The following ZFYVE1 variants were observed in gnomAD, a reference collection of about 807,000 sequenced individuals.
ZFYVE1 encodes the protein zinc finger FYVE domain-containing protein 1.
A neutral mutation model predicts 74.4 loss-of-function variants in ZFYVE1; 30 were observed. That is an observed-to-expected ratio of 0.40 (90% confidence interval 0.30 to 0.55). The LOEUF is 0.55. Among genes scored for constraint, ZFYVE1 ranks in the 20% least tolerant of loss-of-function variants. The pLI is 0.42. For synonymous variants in ZFYVE1, 335 were observed against 385.1 expected, an observed-to-expected ratio of 0.87 and a Z score of 1.52; for missense variants, 703 against 1,011.6, an observed-to-expected ratio of 0.69 and a Z score of 4.14.
intron 5 of ZFYVE1, among the ~76,000 whole-genome samples, chr14:72,980,923 T>C (rs902411738): frequency 1.3e-5 from 2 of 152,174 alleles, no homozygotes; most frequent in African/African-American, 4.8e-5. Context: ...AATTAGAAAC[T>C]GTGGAGGGGG....
chr14:73,001,448 T>G (rs965268076), intron 2 of ZFYVE1, among the ~76,000 whole-genome samples: 15 of 152,196 alleles, frequency 9.9e-5, no homozygotes, highest in African/African-American at 3.6e-4. Flanking sequence ...TTTCTCTTAT[T>G]CTAAAGACAT....
At chr14:73,013,213 C>T (rs1894124645) in intron 2 of ZFYVE1, among the ~76,000 whole-genome samples, 1 of 152,162 alleles carries the variant, frequency 6.6e-6, no homozygotes, top group Non-Finnish European at 1.5e-5. Context: ...TTATGTATGG[C>T]TGGAAAACTT....
rs1366173596 is a variant in ZFYVE1, at chr14:72,978,322, G to T, written c.1420-88C>A. The stretch of plus-strand genomic sequence containing the variant: ...GGGGTTTTACCAGCCCAGGCTGGTT[G>T]TGAACTCCTGGGCTCAAGCAATCTG... On this transcript the variant is annotated intron_variant, in intron 6 of 11. Transcript: ENST00000556143. The T allele has an allele frequency of 2.3e-5, 30 of 1,288,790 alleles. No homozygotes were observed. In the South Asian group the frequency reaches 3.0e-4, roughly 13 times the overall value. The allele number at this position is 1,288,790 out of a possible 1,614,324, so 79.8% of individuals were successfully genotyped here.
intron 11 of ZFYVE1, among the ~76,000 whole-genome samples, chr14:72,972,843 G>T (rs538718545): frequency 6.6e-6 from 1 of 152,138 alleles, no homozygotes; most frequent in African/African-American, 2.4e-5. Flanking sequence ...TAGTAGCTGG[G>T]ACTACAGGTG....
chr14:73,002,311 G>C (rs1389374476), intron 2 of ZFYVE1, among the ~76,000 whole-genome samples: 1 of 152,194 alleles, frequency 6.6e-6, no homozygotes, highest in African/African-American at 2.4e-5. Context: ...TATTTGGAAA[G>C]ATGAAAATAT....
chr14:73,013,206 T>G (rs542625096), intron 2 of ZFYVE1, among the ~76,000 whole-genome samples: 1 of 152,170 alleles, frequency 6.6e-6, no homozygotes, highest in East Asian at 1.9e-4. Context: ...CAGCTACTTA[T>G]GTATGGCTGG....
chr14:72,998,186 G>A lies in ZFYVE1; in HGVS notation c.613C>T (p.Arg205Cys), dbSNP rs750456642. The A allele has an allele frequency of 1.2e-6, 2 of 1,613,958 alleles. 1 individual carries two copies. The highest frequency in any genetic ancestry group is 2.2e-5 in the South Asian group (2 of 91,044). The change falls in exon 3 of 12, where the codon CGT (arginine) becomes TGT (cysteine). Residue 205 changes from arginine to cysteine, a missense_variant. Physicochemically the swap from Arg to Cys is radical, Grantham distance 180 (BLOSUM62 -3). Around this residue, in one of 2 missense-constraint regions of ZFYVE1, gnomAD observed 492 missense variants for 790.0 expected, o/e 0.62. Transcript: ENST00000556143. ...HTLNHTFFYGREVFKTSPTQE... is the reference protein window; with the variant it reads ...HTLNHTFFYGCEVFKTSPTQE... Reference sequence around the variant, plus strand: ...GTCGGGGAGGTTTTAAAGACTTCACGACCATAAAAGAAAGTGTGGTTGAGA... The same window carrying A: ...GTCGGGGAGGTTTTAAAGACTTCACAACCATAAAAGAAAGTGTGGTTGAGA...
chr14:72,994,322 C>CAA (rs71109776), intron 3 of ZFYVE1, among the ~76,000 whole-genome samples: 1,510 of 31,096 alleles, frequency 0.049, 259 homozygotes, highest in Middle Eastern at 0.062. Flanking sequence ...GACGCTGTCT[C>CAA]AAAAAAAAAA....
At position 72,978,896 on chromosome 14, in the gene ZFYVE1, A is replaced by C. The variant is rs781175199; in HGVS notation, c.1384T>G (p.Ser462Ala). 4 of 1,614,110 alleles carry C rather than the reference A, an allele frequency of 2.5e-6. No individual in the cohort carries two copies. In the South Asian group the frequency reaches 4.4e-5, roughly 18 times the overall value. Residue 462 changes from serine to alanine, a missense_variant, in exon 6 of 12, where the codon TCC (serine) becomes GCC (alanine). By Grantham distance (99) the Ser-to-Ala change is moderately conservative. Transcript: ENST00000556143. ...PHEAKSRCRY[S>A]HQYDNRVYTC... ...TACACTCGGTTGTCATACTGGTGGGAGTATCTGCAGCGGCTCTTGGCTTCA... is the reference window on the plus strand; with the variant it reads ...TACACTCGGTTGTCATACTGGTGGGCGTATCTGCAGCGGCTCTTGGCTTCA...
intron 4 of ZFYVE1, among the ~76,000 whole-genome samples, chr14:72,983,532 C>A (rs1037703318): frequency 1.3e-5 from 2 of 151,944 alleles, no homozygotes; most frequent in African/African-American, 4.8e-5. Context: ...GACATGAACT[C>A]ATCCTTTTTT....
At chr14:73,006,215 G>A (rs924272768) in intron 2 of ZFYVE1, among the ~76,000 whole-genome samples, 2 of 150,938 alleles carry the variant, frequency 1.3e-5, no homozygotes, top group Non-Finnish European at 3.0e-5. Context: ...CACCGCGCCC[G>A]GCCAAAACAC....
intron 3 of ZFYVE1, among the ~76,000 whole-genome samples, chr14:72,995,205 CT>C (rs1415461811): frequency 6.6e-6 from 1 of 152,202 alleles, no homozygotes; most frequent in African/African-American, 2.4e-5. Flanking sequence ...AGCGATTCTC[CT>C]GCCTCAGCCT....
chr14:73,013,555 C>T (rs1594861502), intron 2 of ZFYVE1, among the ~76,000 whole-genome samples: 2 of 151,642 alleles, frequency 1.3e-5, no homozygotes, highest in East Asian at 1.9e-4. Flanking sequence ...GCCGAGATTG[C>T]GCCACTGCAC....
chr14:72,984,627 A>G (rs1169262751), intron 4 of ZFYVE1, among the ~76,000 whole-genome samples: 1 of 152,190 alleles, frequency 6.6e-6, no homozygotes, highest in Non-Finnish European at 1.5e-5. Context: ...AAGTGGAATT[A>G]TAAGTCGGCC....
At chr14:72,980,535 T>G (rs374230661) in intron 5 of ZFYVE1, among the ~76,000 whole-genome samples, 6 of 105,468 alleles carry the variant, frequency 5.7e-5, no homozygotes, top group Non-Finnish European at 1.1e-4. Flanking sequence ...GAGAATTAAT[T>G]AATTTATTTA....
Position 73,023,359 on chromosome 14 carries a change from ATATATG to A in ZFYVE1, c.483+661_483+666del, listed in dbSNP as rs1567366960. Reference sequence around the variant, plus strand: ...ATATGTTTTATATATAATATATATTATATATGTTTTATATATAATATATATATTTTA... The same window carrying A: ...ATATGTTTTATATATAATATATATTATTTTATATATAATATATATATTTTA... On this transcript the variant is annotated intron_variant, in intron 2 of 11. Transcript: ENST00000556143. Among the ~76,000 whole-genome samples the A allele has an allele frequency of 5.5e-3, 301 of 54,760 alleles. 1 individual carries two copies. Among genetic ancestry groups the A allele is most frequent in the African/African-American group, 0.012 (151 of 12,862 alleles). The allele number at this position is 54,760 out of a possible 152,430, so 35.9% of individuals were successfully genotyped here.
chr14:72,981,408 C>A (rs563829758), intron 5 of ZFYVE1, among the ~76,000 whole-genome samples: 6 of 152,178 alleles, frequency 3.9e-5, no homozygotes, highest in Non-Finnish European at 8.8e-5. Context: ...TCAAATATCA[C>A]TTGAATACTT....
rs1322493179 is a variant in ZFYVE1, at chr14:72,969,682, A to G, written c.*1200T>C. On this transcript the variant is annotated 3_prime_UTR_variant, in exon 12 of 12. Transcript: ENST00000556143. ...ACTTTAATTCGTGTTTGGCCACTGA[A>G]GATCAAATCCACCATGATGATAGGA... The G allele has an allele frequency of 5.7e-6, 4 of 701,220 alleles. No individual in the cohort carries two copies. Among genetic ancestry groups the G allele is most frequent in the Admixed American group, 2.0e-5 (1 of 49,456 alleles). 43.4% of individuals were successfully genotyped at this position (701,220 alleles called of 1,614,324 possible).
intron 2 of ZFYVE1, among the ~76,000 whole-genome samples, chr14:73,009,572 T>C (rs993619991): frequency 1.2e-4 from 18 of 152,268 alleles, no homozygotes; most frequent in African/African-American, 4.1e-4. Flanking sequence ...CTGACCAACA[T>C]GGTGAAACCC....
Sources: gnomAD v4.1 joint callset for allele counts (sites outside exome capture counted in the v4.1 genomes callset) on GRCh38, gnomAD v4.1.1 for gene constraint, gnomAD v4.1.1 regional missense constraint, MANE v1.5 for transcripts, NCBI Gene and HGNC (gene_info 2026-07-23, HGNC 2026-07-21) for gene names.